The following MATN3 variants were observed in gnomAD, a reference collection of about 807,000 sequenced individuals.
MATN3 encodes matrilin 3.
A neutral mutation model predicts 45.3 loss-of-function variants in MATN3; 48 were observed. That is an observed-to-expected ratio of 1.06 (90% CI 0.84 to 1.35). The LOEUF (loss-of-function observed/expected upper bound fraction) is 1.35. Ranked by LOEUF, MATN3 falls within the 40% of genes most tolerant of loss-of-function variation. MATN3 has a pLI of 0.00. For missense variants in MATN3, 599 were observed against 628.0 expected, an observed-to-expected ratio of 0.95 and a Z score of 0.49; for synonymous variants, 217 against 245.9, an observed-to-expected ratio of 0.88 and a Z score of 1.10.
At chr2:20,000,916 A>G (rs1359742974) in intron 4 of MATN3, among the ~76,000 whole-genome samples, 1 of 152,182 alleles carries the variant, frequency 6.6e-6, no homozygotes, top group East Asian at 1.9e-4. Flanking sequence ...TTAGATTCAG[A>G]AAAACATAGA....
chr2:20,005,860 G>T lies in MATN3; in HGVS notation c.674C>A (p.Ala225Glu). Residue 225 changes from alanine to glutamate, a missense_variant, in exon 2 of 8, where the codon GCA becomes GAA. Physicochemically the swap from Ala to Glu is moderately radical, Grantham distance 107. Transcript: ENST00000407540. Reference sequence around the variant, plus strand: ...CATCATCTTGAGGGACGCCATGTCTGCCCGGTCCACGCCCACAGCATAGAG... The same window carrying T: ...CATCATCTTGAGGGACGCCATGTCTTCCCGGTCCACGCCCACAGCATAGAG... ...IELYAVGVDR[A>E]DMASLKMMAS... The T allele has an allele frequency of 6.2e-7, 1 of 1,609,290 alleles. No individual in the cohort carries two copies. Among genetic ancestry groups the T allele is most frequent in the Non-Finnish European group, 8.5e-7 (1 of 1,177,710 alleles).
intron 4 of MATN3, 119 bp downstream of exon 4, chr2:20,001,836 C>T (rs1484211105): frequency 3.2e-6 from 3 of 942,984 alleles, no homozygotes; most frequent in Non-Finnish European, 4.8e-6. Flanking sequence ...ATGGGAAAAG[C>T]TCAAGGTGGC....
At position 19,994,387 on chromosome 2, in the gene MATN3, A is replaced by C; in HGVS notation, c.1317T>G (p.Leu439=). 6.2e-7 allele frequency: 1 copy of C among 1,612,280 alleles called. No individual in the cohort carries two copies. Among genetic ancestry groups the C allele is most frequent in the Non-Finnish European group, 8.5e-7 (1 of 1,178,678 alleles). The part of the protein sequence containing the change: ...TCSATEEARR[L]VSTEDACGCE... Reference sequence around the variant, plus strand: ...ATCCACAAGCATCTTCAGTGGAAACAAGTCTTCGTGCTTCCTCAGTGGCTG... The same window carrying C: ...ATCCACAAGCATCTTCAGTGGAAACCAGTCTTCGTGCTTCCTCAGTGGCTG... Residue 439 remains leucine, a synonymous_variant, in exon 7 of 8, where the codon CTT becomes CTG. Transcript: ENST00000407540.
At chr2:20,003,373 G>T in intron 2 of MATN3, 87 bp from the exon 3 acceptor site, 1 of 1,335,352 alleles carries the variant, frequency 7.5e-7, no homozygotes, top group Non-Finnish European at 1.0e-6. Context: ...ATTGCTCTCT[G>T]GGCTCCTTTC....
Position 20,012,258 on chromosome 2 carries a change from G to A in MATN3, c.223+151C>T. ...ATTGGGCATCTCCCTCCCCTTCTCT[G>A]GACCTCAGTTTCCCCCACAGGATTC... On this transcript the variant is annotated intron_variant, in intron 1 of 7. Coordinates refer to ENST00000407540, the MANE Select transcript of MATN3 (RefSeq NM_002381.5). The surrounding 1 kb of genome is among the most constrained non-coding windows in gnomAD (Gnocchi z 4.3). 1 of 501,416 alleles carries A rather than the reference G, an allele frequency of 2.0e-6. No individual in the cohort carries two copies. Among genetic ancestry groups the A allele is most frequent in the Non-Finnish European group, 3.1e-6 (1 of 323,812 alleles). The allele number at this position is 501,416 out of a possible 1,614,324, so 31.1% of individuals were successfully genotyped here.
chr2:20,006,917 C>G (rs1355032858), intron 1 of MATN3, among the ~76,000 whole-genome samples: 1 of 152,202 alleles, frequency 6.6e-6, no homozygotes, highest in Non-Finnish European at 1.5e-5. Flanking sequence ...CACTGGAGCC[C>G]TGAACTAATT....
rs3816644 is a variant in MATN3, at chr2:20,012,445, A to G, written c.187T>C (p.Ser63Pro). The change falls in exon 1 of 8, where the codon TCC (serine) becomes CCC (proline). Residue 63 changes from serine to proline, a missense_variant. Transcript: ENST00000407540. The surrounding 1 kb of genome is among the most constrained non-coding windows in gnomAD (Gnocchi z 4.3). ...SPAAPDGAPA[S>P]GTSEPGRARG... ...GCGCGGCCAGGCTCGCTGGTCCCGG[A>G]AGCGGGCGCGCCGTCGGGAGCCGCA... 7 of 1,229,326 alleles carry G rather than the reference A, an allele frequency of 5.7e-6. No individual in the cohort carries two copies. In the South Asian group the frequency reaches 2.9e-4, roughly 51 times the overall value. 76.2% of individuals were successfully genotyped at this position (1,229,326 alleles called of 1,614,324 possible).
chr2:19,996,758 A>G (rs993779661), intron 6 of MATN3, among the ~76,000 whole-genome samples: 1 of 152,200 alleles, frequency 6.6e-6, no homozygotes, highest in Non-Finnish European at 1.5e-5. Context: ...TTGGGATGAT[A>G]AAAAATTTCT....
intron 1 of MATN3, among the ~76,000 whole-genome samples, chr2:20,007,464 G>A (rs1439042341): frequency 2.6e-5 from 4 of 152,176 alleles, no homozygotes; most frequent in African/African-American, 4.8e-5. Flanking sequence ...GGGAGGTGGA[G>A]GTTGCAGTGA....
At chr2:20,008,088 G>A (rs1209119794) in intron 1 of MATN3, among the ~76,000 whole-genome samples, 2 of 152,108 alleles carry the variant, frequency 1.3e-5, no homozygotes, top group African/African-American at 4.8e-5. Flanking sequence ...TCAGCCTCCT[G>A]AGTAGCTGGG....
At chr2:20,011,552 C>T (rs571016219) in intron 1 of MATN3, among the ~76,000 whole-genome samples, 10 of 152,372 alleles carry the variant, frequency 6.6e-5, no homozygotes, top group African/African-American at 2.4e-4. Flanking sequence ...CCAAATGAGA[C>T]TGCATACCCA....
At position 19,992,890 on chromosome 2, in the gene MATN3, T is replaced by A. The variant is rs956580622; in HGVS notation, c.*221A>T. On this transcript the variant is annotated 3_prime_UTR_variant, in exon 8 of 8. Transcript: ENST00000407540. ...TTTCACAGTCATAACTTAGAGACAC[T>A]AAAGTTTGCTCTTAATAAGTATCTG... is the stretch of plus-strand genomic sequence containing the variant. 2 of 523,872 alleles carry A rather than the reference T, an allele frequency of 3.8e-6. No individual in the cohort carries two copies. The highest frequency in any genetic ancestry group is 7.9e-5 in the Admixed American group (2 of 25,434). 32.5% of individuals were successfully genotyped at this position (523,872 alleles called of 1,614,324 possible).
At chr2:19,993,220 A>G in intron 7 of MATN3, 54 bp from the exon 8 acceptor site, 1 of 1,296,628 alleles carries the variant, frequency 7.7e-7, no homozygotes, top group Non-Finnish European at 1.1e-6. Flanking sequence ...GAAAATATAA[A>G]CACACTTTCA....
rs530371259 is a variant in MATN3 at position 20,001,807 on chromosome 2, T to C, written c.1042+148A>G. 7.3e-6 allele frequency: 5 copies of C among 686,316 alleles called. No homozygotes were observed. The African/African-American group carries it at 9.0e-5, about 12-fold the overall frequency. The allele number at this position is 686,316 out of a possible 1,614,324, so 42.5% of individuals were successfully genotyped here. The stretch of plus-strand genomic sequence containing the variant: ...TACATACATGTTACCATTTCTAACA[T>C]TTTGGATAAGACTTAAAAATGGGAA... On this transcript the variant is annotated intron_variant, in intron 4 of 7. Transcript: ENST00000407540.
At chr2:20,005,709 C>G (rs1406130584) in intron 2 of MATN3, 35 bp downstream of exon 2, 5 of 1,455,892 alleles carry the variant, frequency 3.4e-6, no homozygotes, top group Non-Finnish European at 4.7e-6. Context: ...AATATAACAT[C>G]CTTTCTAGTT....
intron 6 of MATN3, among the ~76,000 whole-genome samples, chr2:19,996,823 G>C (rs1672879445): frequency 6.6e-6 from 1 of 152,128 alleles, no homozygotes; most frequent in African/African-American, 2.4e-5. Context: ...TAATGCCACT[G>C]AACTATACAC....
rs1447636211 is a variant in MATN3, at chr2:20,003,206, A to G, written c.871T>C (p.Cys291Arg). The change falls in exon 3 of 8, where the codon TGT becomes CGT. Residue 291 changes from cysteine to arginine, a missense_variant. Physicochemically the swap from Cys to Arg is radical, Grantham distance 180 (BLOSUM62 -3). Transcript: ENST00000407540. Reference protein sequence around the residue: ...SDGEGKHHCECSQGYTLNADK... With the variant: ...SDGEGKHHCERSQGYTLNADK... ...GCATTCAAGGTGTATCCTTGGCTAC[A>G]CTCACAGTGGTGCTTGCCTTCCCCA... is the stretch of plus-strand genomic sequence containing the variant. The G allele has an allele frequency of 1.9e-6, 3 of 1,613,874 alleles. No individual in the cohort carries two copies. Among genetic ancestry groups the G allele is most frequent in the Non-Finnish European group, 2.5e-6 (3 of 1,179,882 alleles).
chr2:20,005,871 G>A lies in MATN3; in HGVS notation c.663C>T (p.Gly221=), dbSNP rs369658011. The A allele has an allele frequency of 1.5e-4, 243 of 1,608,654 alleles. 1 individual carries two copies. Among genetic ancestry groups the A allele is most frequent in the Admixed American group, 2.9e-4 (17 of 58,956 alleles). ...GGGACGCCATGTCTGCCCGGTCCAC[G>A]CCCACAGCATAGAGCTCAATACCAG... is the stretch of plus-strand genomic sequence containing the variant. The part of the protein sequence containing the change: ...QASGIELYAV[G]VDRADMASLK... Residue 221 remains glycine (G), a synonymous_variant, in exon 2 of 8, where the codon GGC becomes GGT. Coordinates refer to ENST00000407540, the MANE Select transcript of MATN3 (RefSeq NM_002381.5).
intron 5 of MATN3, 82 bp from the exon 6 acceptor site, chr2:19,997,341 C>A (rs1187457279): frequency 2.8e-6 from 4 of 1,423,822 alleles, no homozygotes; most frequent in Non-Finnish European, 3.8e-6. Context: ...GAGAAGCTTC[C>A]ATTTGGTCCC....
Sources: allele counts gnomAD v4.1 joint callset (sites outside exome capture counted in the v4.1 genomes callset), GRCh38; gene constraint gnomAD v4.1.1; non-coding constraint Gnocchi (gnomAD v3.1); transcripts MANE v1.5; gene names NCBI Gene and HGNC (gene_info 2026-07-23, HGNC 2026-07-21).